Variants in C3orf85 observed in about 807,000 individuals in gnomAD.
C3orf85 encodes the protein uncharacterized protein C3orf85.
C3orf85 carries 1 observed loss-of-function variant against 1.7 expected under a neutral mutation model. The ratio of observed to expected loss-of-function variants is 0.60; its 90% confidence interval spans 0.21 to 2.86. The LOEUF is 2.86. C3orf85 is among the 30% of genes most tolerant of loss of function. The probability of loss-of-function intolerance (pLI) is 0.22; values close to 1 mark genes in which losing one functional copy is unlikely to be tolerated. For synonymous variants in C3orf85, 17 were observed against 8.0 expected (o/e 2.13, Z -1.90); for missense variants, 29 against 21.3 (o/e 1.36, Z -0.72).
intron 2 of C3orf85, among the ~76,000 whole-genome samples, chr3:109,147,600 G>C (rs1365271760): frequency 6.6e-6 from 1 of 152,074 alleles, no homozygotes; most frequent in Non-Finnish European, 1.5e-5. Context: ...AAAAAGTCTG[G>C]ATTTTTAAAA....
At chr3:109,137,641 A>G (rs553151950) in intron 2 of C3orf85, among the ~76,000 whole-genome samples, 923 of 76,176 alleles carry the variant, frequency 0.012, 13 homozygotes, top group Non-Finnish European at 0.014. Flanking sequence ...GTGTGTGTAT[A>G]TATATATATA....
intron 2 of C3orf85, among the ~76,000 whole-genome samples, chr3:109,146,509 C>T (rs1004731324): frequency 8.5e-5 from 13 of 152,064 alleles, no homozygotes; most frequent in Admixed American, 2.0e-4. Context: ...TATGACGATG[C>T]GGTAAAGATG....
chr3:109,148,725 C>T lies in C3orf85; in HGVS notation c.183+339C>T, dbSNP rs147729086. 163 of 262,108 alleles carry T rather than the reference C, an allele frequency of 6.2e-4. 1 individual carries two copies. In the East Asian group the frequency reaches 0.016, roughly 25 times the overall value. 16.2% of individuals were successfully genotyped at this position (262,108 alleles called of 1,614,324 possible). ...TGTTTTGTGTACCCAACCTACCTACCTAGACTATAAAGGTAGGGTCTGTAT... is the reference window on the plus strand; with the variant it reads ...TGTTTTGTGTACCCAACCTACCTACTTAGACTATAAAGGTAGGGTCTGTAT... On this transcript the variant is annotated intron_variant, in intron 3 of 3. Coordinates refer to ENST00000622536, the MANE Select transcript of C3orf85 (RefSeq NM_001351622.2).
intron 2 of C3orf85, among the ~76,000 whole-genome samples, chr3:109,140,961 T>C (rs1310941582): frequency 6.6e-6 from 1 of 152,134 alleles, no homozygotes; most frequent in Non-Finnish European, 1.5e-5. Flanking sequence ...TAGACCTTTG[T>C]TTTTTTGTTG....
intron 2 of C3orf85, 118 bp from the exon 3 acceptor site, chr3:109,148,135 A>G (rs187916275): frequency 3.6e-4 from 221 of 608,064 alleles, no homozygotes; most frequent in Non-Finnish European, 5.7e-4. Flanking sequence ...GCTTTTCCAG[A>G]GTTTCCTCCT....
chr3:109,147,989 G>A (rs1475846291), intron 2 of C3orf85, among the ~76,000 whole-genome samples: 1 of 152,182 alleles, frequency 6.6e-6, no homozygotes, highest in East Asian at 1.9e-4. Context: ...CCCCATGCAT[G>A]TATGGAAGCT....
At chr3:109,137,828 A>G (rs1706697341) in intron 2 of C3orf85, among the ~76,000 whole-genome samples, 1 of 152,052 alleles carries the variant, frequency 6.6e-6, no homozygotes, top group Non-Finnish European at 1.5e-5. Context: ...ACAATCATAC[A>G]CAATTACAGC....
chr3:109,141,128 A>C (rs1706739767), intron 2 of C3orf85, among the ~76,000 whole-genome samples: 1 of 152,126 alleles, frequency 6.6e-6, no homozygotes. Flanking sequence ...CTGGGATTAC[A>C]GGCATGCACA....
chr3:109,145,097 C>T (rs181308466), intron 2 of C3orf85, among the ~76,000 whole-genome samples: 4 of 152,236 alleles, frequency 2.6e-5, no homozygotes, highest in Admixed American at 2.6e-4. Context: ...TCCCATCCCA[C>T]GTTCACCAGA....
chr3:109,141,014 T>A (rs1440529577), intron 2 of C3orf85, among the ~76,000 whole-genome samples: 4 of 152,150 alleles, frequency 2.6e-5, no homozygotes, highest in Non-Finnish European at 4.4e-5. Flanking sequence ...TGAGACGGAG[T>A]CTCTCTCTGT....
intron 2 of C3orf85, among the ~76,000 whole-genome samples, chr3:109,145,357 T>C (rs1281449420): frequency 6.6e-6 from 1 of 152,212 alleles, no homozygotes; most frequent in Admixed American, 6.5e-5. Flanking sequence ...TATTATGCCA[T>C]GTGAAGTAAG....
At chr3:109,139,236 G>T (rs1706713513) in intron 2 of C3orf85, among the ~76,000 whole-genome samples, 1 of 152,222 alleles carries the variant, frequency 6.6e-6, no homozygotes, top group Non-Finnish European at 1.5e-5. Context: ...GCACTGCAGT[G>T]ACTGACATGG....
chr3:109,143,166 T>C (rs1427973997), intron 2 of C3orf85, among the ~76,000 whole-genome samples: 2 of 152,192 alleles, frequency 1.3e-5, no homozygotes, highest in African/African-American at 4.8e-5. Context: ...TAAATGAGCT[T>C]CCTCTACATC....
intron 2 of C3orf85, among the ~76,000 whole-genome samples, chr3:109,138,811 A>T (rs1706707581): frequency 6.6e-6 from 1 of 152,214 alleles, no homozygotes; most frequent in Non-Finnish European, 1.5e-5. Context: ...CTCTAGTCAG[A>T]GAATTAGAAG....
chr3:109,147,058 T>A (rs1372102480), intron 2 of C3orf85, among the ~76,000 whole-genome samples: 1 of 152,192 alleles, frequency 6.6e-6, no homozygotes, highest in African/African-American at 2.4e-5. Flanking sequence ...CTGAAACACA[T>A]CATTCCTCTG....
intron 2 of C3orf85, among the ~76,000 whole-genome samples, chr3:109,140,087 T>G (rs1346346415): frequency 6.6e-6 from 1 of 152,184 alleles, no homozygotes; most frequent in Admixed American, 6.5e-5. Context: ...TTTTGGTTTA[T>G]TTTTAAAGAT....
chr3:109,139,949 A>T (rs1159751655), intron 2 of C3orf85, among the ~76,000 whole-genome samples: 1 of 152,172 alleles, frequency 6.6e-6, no homozygotes, highest in African/African-American at 2.4e-5. Context: ...ACATATTCTA[A>T]CACACAACCC....
intron 2 of C3orf85, among the ~76,000 whole-genome samples, chr3:109,139,968 T>C (rs550224478): frequency 6.6e-6 from 1 of 152,328 alleles, no homozygotes; most frequent in African/African-American, 2.4e-5. Context: ...CCTGTCAGCA[T>C]CCCCAATCCC....
intron 2 of C3orf85, among the ~76,000 whole-genome samples, chr3:109,146,601 G>A (rs1706801715): frequency 6.6e-6 from 1 of 152,164 alleles, no homozygotes; most frequent in Non-Finnish European, 1.5e-5. Flanking sequence ...CTGGCTATTA[G>A]TGGGAGGCAT....
Sources: gnomAD v4.1 joint callset for allele counts (sites outside exome capture counted in the v4.1 genomes callset) on GRCh38, gnomAD v4.1.1 for gene constraint, MANE v1.5 for transcripts, NCBI Gene and HGNC (gene_info 2026-07-23, HGNC 2026-07-21) for gene names.